RIMKLB: variants seen among roughly 807,000 people sequenced by gnomAD.
RIMKLB encodes the protein ribosomal modification protein rimK like family member B, also known as beta-citrylglutamate synthase B.
A neutral mutation model predicts 32.0 loss-of-function variants in RIMKLB; 7 were observed. The ratio of observed to expected loss-of-function variants is 0.22; its 90% CI spans 0.12 to 0.41. The LOEUF is 0.41. Ranked by LOEUF, RIMKLB falls within the 10% of genes least tolerant of loss-of-function variation. RIMKLB has a pLI of 1.00. For missense variants in RIMKLB, 289 were observed against 498.7 expected (o/e 0.58, Z 4.00); for synonymous variants, 172 against 185.1 (o/e 0.93, Z 0.57).
chr12:8,672,454 C>T, the RIMKLB span, among the ~76,000 whole-genome samples: 23 of 152,290 alleles, frequency 1.5e-4, no homozygotes, highest in South Asian at 4.4e-3. Flanking sequence ...TTTCACATGG[C>T]TGGGGAGACC....
upstream of RIMKLB, among the ~76,000 whole-genome samples, chr12:8,694,487 C>T (rs1942830418): frequency 7.1e-6 from 1 of 140,336 alleles, no homozygotes; most frequent in Non-Finnish European, 1.6e-5. Context: ...CCTCCACCCC[C>T]AGGTTCAAAA....
chr12:8,674,263 G>A, the RIMKLB span, among the ~76,000 whole-genome samples: 25 of 141,948 alleles, frequency 1.8e-4, no homozygotes, highest in Non-Finnish European at 3.5e-4. Flanking sequence ...TTTTGAGACG[G>A]AGTCTCGCTC....
At chr12:8,718,448 A>G (rs1945074130) in intron 2 of RIMKLB, among the ~76,000 whole-genome samples, 1 of 152,210 alleles carries the variant, frequency 6.6e-6, no homozygotes. Flanking sequence ...GATCGAGGCC[A>G]TCCTGGCCAA....
At chr12:8,680,178 G>A (rs1942378814), upstream of RIMKLB, among the ~76,000 whole-genome samples, 2 of 151,464 alleles carry the variant, frequency 1.3e-5, no homozygotes, top group African/African-American at 2.4e-5. Context: ...TTTTTTTTGA[G>A]ACAGTCTCAC....
chr12:8,741,470 G>A lies in RIMKLB; in HGVS notation c.176-8392G>A, dbSNP rs16917738. 5.2e-3 allele frequency among the ~76,000 whole-genome samples: 787 copies of A among 151,672 alleles called. 22 individuals are homozygous for A. The highest frequency in any genetic ancestry group is 0.018 in the African/African-American group (745 of 41,142). On this transcript the variant is annotated intron_variant, in intron 2 of 5. Transcript: ENST00000535829. ...TAAAATAGAAGAACCAGGAGGGAGC[G>A]GCGCAAGGGTTATAAAACTAACTGT...
At chr12:8,742,561 TGATGGCATCTGCATCATCAATTTGAAGAG>T (rs1376668476) in intron 2 of RIMKLB, 4 of 349,582 alleles carry the variant, frequency 1.1e-5, no homozygotes, top group African/African-American at 2.2e-5. Flanking sequence ...AAAGAAAAAG[TGATGGCATCTGCATCATCAATTTGAAGAG>T]GACCTGGGAG....
chr12:8,773,431 G>A lies in RIMKLB; in HGVS notation c.808G>A (p.Asp270Asn), dbSNP rs1950554253. Residue 270 changes from aspartate (D) to asparagine (N), a missense_variant, in exon 6 of 6, where the codon GAC becomes AAC. Physicochemically the swap from Asp to Asn is conservative, Grantham distance 23 (BLOSUM62 1). This residue lies in a region of RIMKLB where 156 missense variants were observed against 329.5 expected (regional missense o/e 0.47). Coordinates refer to ENST00000535829, the MANE Select transcript of RIMKLB (RefSeq NM_001297776.2). ...VCGIDLLMKD[D>N]GSFCVCEANA... ...TGGCATTGATCTGCTGATGAAAGAT[G>A]ACGGCTCCTTCTGCGTCTGTGAGGC... 8 of 1,614,218 alleles carry A rather than the reference G, an allele frequency of 5.0e-6. No individual in the cohort carries two copies. The East Asian group carries it at 1.8e-4, about 36-fold the overall frequency.
chr12:8,709,945 T>C (rs1489501607), intron 1 of RIMKLB, among the ~76,000 whole-genome samples: 1 of 152,198 alleles, frequency 6.6e-6, no homozygotes, highest in East Asian at 1.9e-4. Flanking sequence ...ATGGAGGGAC[T>C]ACTGTACCTG....
At chr12:8,723,982 A>T (rs1407500007) in intron 2 of RIMKLB, among the ~76,000 whole-genome samples, 1 of 150,826 alleles carries the variant, frequency 6.6e-6, no homozygotes, top group African/African-American at 2.5e-5. Context: ...TGCCTGGCTA[A>T]GTTTTGTTTT....
Position 8,775,796 on chromosome 12 carries a change from A to G in RIMKLB, c.*2012A>G, listed in dbSNP as rs964695755. ...CAGTGTCTCATTTCACCTCAGAGAA[A>G]AGGATACATAAGAGGAGTTTGTAAT... On this transcript the variant is annotated 3_prime_UTR_variant, in exon 6 of 6. Transcript: ENST00000535829. The G allele has an allele frequency of 2.0e-6, 2 of 985,228 alleles. No individual in the cohort carries two copies. Among genetic ancestry groups the G allele is most frequent in the African/African-American group, 3.5e-5 (2 of 57,226 alleles). 61.0% of individuals were successfully genotyped at this position (985,228 alleles called of 1,614,324 possible). A position where few individuals can be genotyped will look rare whatever the true frequency, so the allele number is the denominator to read the frequency against.
At chr12:8,734,796 A>G (rs1946848046) in intron 2 of RIMKLB, among the ~76,000 whole-genome samples, 1 of 152,008 alleles carries the variant, frequency 6.6e-6, no homozygotes, top group Admixed American at 6.5e-5. Flanking sequence ...ATAAAAATAG[A>G]TATATTTATT....
rs939159824 is a variant in RIMKLB at position 8,730,091 on chromosome 12, T to C, written c.175+16050T>C. On this transcript the variant is annotated intron_variant, in intron 2 of 5. Coordinates refer to ENST00000535829, the MANE Select transcript of RIMKLB (RefSeq NM_001297776.2). ...TGACTGGCCTTGGCTGCTTTTGTTC[T>C]TTGTGTGTGTGTTACTGGGTTTCTC... Among the ~76,000 whole-genome samples the C allele has an allele frequency of 2.0e-5, 3 of 152,206 alleles. No homozygotes were observed. The South Asian group carries it at 6.2e-4, about 32-fold the overall frequency.
At chr12:8,675,070 C>T in the RIMKLB span, among the ~76,000 whole-genome samples, 1 of 152,112 alleles carries the variant, frequency 6.6e-6, no homozygotes, top group Admixed American at 6.5e-5. Flanking sequence ...ACCATGTTGG[C>T]CAGGCTGGTC....
At chr12:8,742,554 GA>G in intron 2 of RIMKLB, 2 of 353,586 alleles carry the variant, frequency 5.7e-6, no homozygotes, top group Non-Finnish European at 1.1e-5. Context: ...ATCTATAAAA[GA>G]AAAAGTGATG....
upstream of RIMKLB, among the ~76,000 whole-genome samples, chr12:8,694,168 G>A (rs1420096982): frequency 6.6e-6 from 1 of 151,994 alleles, no homozygotes; most frequent in African/African-American, 2.4e-5. Flanking sequence ...GGGAGGTGGA[G>A]GTTGCAGTGA....
rs1226723180 is a variant in RIMKLB, at chr12:8,706,464, TC to T, written c.-56-7345del. The stretch of plus-strand genomic sequence containing the variant: ...CTGGACTTTTTTTTTTTTTTTTTTT[TC>T]CTGAGACTGAGTTTCGCTCTTGTCA... On this transcript the variant is annotated intron_variant, in intron 1 of 5. Coordinates refer to ENST00000535829, the MANE Select transcript of RIMKLB (RefSeq NM_001297776.2). Among the ~76,000 whole-genome samples, 200 of 147,738 alleles carry T rather than the reference TC, an allele frequency of 1.4e-3. 3 individuals are homozygous for T. The highest frequency in any genetic ancestry group is 4.8e-3 in the African/African-American group (191 of 39,592).
At chr12:8,735,777 C>A (rs7980514) in intron 2 of RIMKLB, among the ~76,000 whole-genome samples, 4,995 of 151,810 alleles carry the variant, frequency 0.033, 280 homozygotes, top group African/African-American at 0.11. Context: ...ATTGCTCAGG[C>A]TGGAGTGCAA....
Position 8,776,196 on chromosome 12 carries a change from A to G in RIMKLB, c.*2412A>G, listed in dbSNP as rs978023689. On this transcript the variant is annotated 3_prime_UTR_variant, in exon 6 of 6. Transcript: ENST00000535829. ...AACTTATACCAAATTAACCAACTAT[A>G]TTATAGGAAATATGTGAAATTAGTT... The G allele has an allele frequency of 2.0e-6, 2 of 981,884 alleles. No homozygotes were observed. The highest frequency in any genetic ancestry group is 1.7e-5 in the African/African-American group (1 of 57,166). The allele number at this position is 981,884 out of a possible 1,614,324, so 60.8% of individuals were successfully genotyped here.
upstream of RIMKLB, among the ~76,000 whole-genome samples, chr12:8,680,186 C>A (rs562026109): frequency 6.6e-6 from 1 of 152,134 alleles, no homozygotes; most frequent in Non-Finnish European, 1.5e-5. Flanking sequence ...GAGACAGTCT[C>A]ACTCTGATGC....
Sources: allele counts gnomAD v4.1 joint callset (sites outside exome capture counted in the v4.1 genomes callset), GRCh38; gene constraint gnomAD v4.1.1; regional missense constraint gnomAD v4.1.1; transcripts MANE v1.5; gene names NCBI Gene and HGNC (gene_info 2026-07-23, HGNC 2026-07-21).